PIEZO1: variants seen among roughly 807,000 people sequenced by gnomAD.
PIEZO1 encodes piezo type mechanosensitive ion channel component 1 (Er blood group).
Under a neutral mutation model 297.2 loss-of-function variants are expected in PIEZO1, and 296 were observed. The ratio of observed to expected loss-of-function variants is 1.00; its 90% CI spans 0.91 to 1.10. The LOEUF is 1.10. Ranked by LOEUF, PIEZO1 falls within the 50% of genes least tolerant of loss-of-function variation. The pLI, the probability that PIEZO1 is intolerant of heterozygous loss-of-function variation, is 0.00. For synonymous variants in PIEZO1, 2,427 were observed against 1,507.5 expected, an observed-to-expected ratio of 1.61 and a Z score of -14.13; for missense variants, 5,018 against 3,455.5, an observed-to-expected ratio of 1.45 and a Z score of -11.34.
intron 1 of PIEZO1, among the ~76,000 whole-genome samples, chr16:88,759,098 A>C (rs1906808442): frequency 6.6e-6 from 1 of 152,202 alleles, no homozygotes; most frequent in Non-Finnish European, 1.5e-5. Context: ...CAACAAGTGA[A>C]CTGGTCAAAA....
Position 88,721,889 on chromosome 16 carries a change from G to A in PIEZO1, c.5133C>T (p.Pro1711=), listed in dbSNP as rs181441468. The A allele has an allele frequency of 2.3e-4, 356 of 1,550,068 alleles. No individual in the cohort carries two copies. Among genetic ancestry groups the A allele is most frequent in the Non-Finnish European group, 2.8e-4 (324 of 1,146,782 alleles). ...GCATGGCCCACAGGAAGACGAGCAC[G>A]GGCAGCACCAGCGAGCCGGCGGAGG... ...VTASAGSLVL[P]VLVFLWAMLS... Residue 1711 remains proline, a synonymous_variant, in exon 37 of 51, where the codon CCC becomes CCT. Coordinates refer to ENST00000301015, the MANE Select transcript of PIEZO1 (RefSeq NM_001142864.4).
At chr16:88,717,423 G>C in intron 44 of PIEZO1, 2 of 644,906 alleles carry the variant, frequency 3.1e-6, no homozygotes, top group South Asian at 1.6e-5. Context: ...TCTTAGACAA[G>C]GGAGCTGTGA....
At chr16:88,734,597 G>A (rs1015932479) in intron 15 of PIEZO1, 53 bp downstream of exon 15, 3 of 1,548,258 alleles carry the variant, frequency 1.9e-6, no homozygotes, top group Admixed American at 3.9e-5. Context: ...GCAGCCCCGG[G>A]GAAGTGCACG....
chr16:88,735,217 C>G lies in PIEZO1; in HGVS notation c.1587G>C (p.Leu529=). ...MLLYTLTFWL[L]LRQFVKEKLL... Reference sequence around the variant, plus strand: ...GCTTCTCTTTCACAAACTGGCGCAGCAGGAGCCAGAAGGTCAGGGTGTAGA... The same window carrying G: ...GCTTCTCTTTCACAAACTGGCGCAGGAGGAGCCAGAAGGTCAGGGTGTAGA... Residue 529 remains leucine, a synonymous_variant, in exon 13 of 51, where the codon CTG becomes CTC. Transcript: ENST00000301015. The G allele has an allele frequency of 1.3e-6, 2 of 1,550,406 alleles. No homozygotes were observed. Among genetic ancestry groups the G allele is most frequent in the South Asian group, 2.4e-5 (2 of 84,066 alleles).
intron 1 of PIEZO1, among the ~76,000 whole-genome samples, chr16:88,752,455 C>T (rs1339283545): frequency 6.6e-6 from 1 of 152,228 alleles, no homozygotes; most frequent in Non-Finnish European, 1.5e-5. Context: ...GCACTCCAGC[C>T]TGGGCGACAG....
At chr16:88,778,442 C>T (rs1907771633) in intron 1 of PIEZO1, among the ~76,000 whole-genome samples, 1 of 152,190 alleles carries the variant, frequency 6.6e-6, no homozygotes. Flanking sequence ...CCTGCCGGCC[C>T]GTCAGAGGGA....
At chr16:88,725,574 C>T (rs1194999454) in intron 28 of PIEZO1, 21 bp downstream of exon 28, 4 of 1,536,268 alleles carry the variant, frequency 2.6e-6, no homozygotes, top group East Asian at 4.9e-5. Flanking sequence ...GCCGGGGAGT[C>T]CCCGCCCCAG....
intron 1 of PIEZO1, among the ~76,000 whole-genome samples, chr16:88,776,668 A>G (rs1476827570): frequency 6.6e-6 from 1 of 152,190 alleles, no homozygotes; most frequent in African/African-American, 2.4e-5. Context: ...GGGGCCACAC[A>G]CCAGGGGCAG....
In PIEZO1 at chr16:88,722,054, G is replaced by C. The variant is rs532725190; in HGVS notation, c.4968C>G (p.Ile1656Met). 1 of 1,546,528 alleles carries C rather than the reference G, an allele frequency of 6.5e-7. No individual in the cohort carries two copies. The highest frequency in any genetic ancestry group is 8.7e-7 in the Non-Finnish European group (1 of 1,145,830). ...ACAGCTCTGCCTCCTCCAGCTCTGG[G>C]ATGCGCAGGCGCCTACAGGGAGACC... ...SELLLDRRLR[I>M]PELEEAELFA... Residue 1656 changes from isoleucine (I) to methionine (M), a missense_variant, in exon 37 of 51, where the codon ATC becomes ATG. By Grantham distance (10) the Ile-to-Met change is conservative. Coordinates refer to ENST00000301015, the MANE Select transcript of PIEZO1 (RefSeq NM_001142864.4).
rs751965283 is a variant in PIEZO1 at position 88,722,241 on chromosome 16, C to T, written c.4932G>A (p.Thr1644=). ...GASLYQGLMR[T]ASELLLDRRL... ...ACCTGTCCAGGAGCAGCTCGCTGGCCGTCCGCATCAGTCCCTGGTACAGAG... is the reference window on the plus strand; with the variant it reads ...ACCTGTCCAGGAGCAGCTCGCTGGCTGTCCGCATCAGTCCCTGGTACAGAG... The change falls in exon 36 of 51, where the codon ACG becomes ACA. Residue 1644 remains threonine (T), a synonymous_variant. Coordinates refer to ENST00000301015, the MANE Select transcript of PIEZO1 (RefSeq NM_001142864.4). 39 of 1,547,550 alleles carry T rather than the reference C, an allele frequency of 2.5e-5. No individual in the cohort carries two copies. In the South Asian group the frequency reaches 3.6e-4, roughly 14 times the overall value.
At chr16:88,717,305 C>G in intron 44 of PIEZO1, 94 bp from the exon 45 acceptor site, 1 of 1,184,626 alleles carries the variant, frequency 8.4e-7, no homozygotes, top group Non-Finnish European at 1.2e-6. Flanking sequence ...CCCAGAAAAG[C>G]CCCAGCCTGA....
At chr16:88,764,623 T>A (rs1471119678) in intron 1 of PIEZO1, among the ~76,000 whole-genome samples, 2 of 151,630 alleles carry the variant, frequency 1.3e-5, no homozygotes, top group African/African-American at 4.8e-5. Context: ...TGGTGGCACG[T>A]ACCTGTAATC....
chr16:88,777,867 G>A lies in PIEZO1; in HGVS notation c.64+7034C>T, dbSNP rs570049657. Among the ~76,000 whole-genome samples the A allele has an allele frequency of 9.9e-5, 15 of 152,224 alleles. No individual in the cohort carries two copies. In the South Asian group the frequency reaches 2.9e-3, roughly 29 times the overall value. On this transcript the variant is annotated intron_variant, in intron 1 of 50. Transcript: ENST00000301015. ...CAAACCCACGCCTGTGCCTTCCTTC[G>A]AGGCTCCTCCCGGGCAGGTGGCCTC... is the stretch of plus-strand genomic sequence containing the variant.
chr16:88,715,883 C>G (rs1268654110), intron 50 of PIEZO1, 29 bp from the exon 51 acceptor site: 1 of 1,545,724 alleles, frequency 6.5e-7, no homozygotes, highest in South Asian at 1.2e-5. Context: ...AGTCCTGGGG[C>G]CGCCCGGAGC....
At chr16:88,776,161 G>A (rs1207409604) in intron 1 of PIEZO1, among the ~76,000 whole-genome samples, 3 of 152,260 alleles carry the variant, frequency 2.0e-5, no homozygotes, top group Non-Finnish European at 4.4e-5. Context: ...GAGGCCGGGC[G>A]CGGTGGCTCA....
intron 1 of PIEZO1, among the ~76,000 whole-genome samples, chr16:88,770,507 T>G (rs1461306555): frequency 6.6e-6 from 1 of 152,166 alleles, no homozygotes; most frequent in Non-Finnish European, 1.5e-5. Context: ...GGCGTTCTCC[T>G]CAGGGGCGGC....
At chr16:88,726,094 A>G (rs1006890993) in intron 27 of PIEZO1, 190 bp downstream of exon 27, 7 of 603,210 alleles carry the variant, frequency 1.2e-5, no homozygotes, top group East Asian at 2.8e-5. Flanking sequence ...TGACAGACCC[A>G]GCACTGGGGC....
In PIEZO1 at chr16:88,720,667, C is replaced by G. The variant is rs1246060286; in HGVS notation, c.5750G>C (p.Gly1917Ala). The change falls in exon 40 of 51, where the codon GGA (glycine) becomes GCA (alanine). Residue 1917 changes from glycine (G) to alanine (A), a missense_variant. Coordinates refer to ENST00000301015, the MANE Select transcript of PIEZO1 (RefSeq NM_001142864.4). ...CCGCCCGGCCGCCCTTACTCTTCCT[C>G]CAGAGCGGCTTGGCCTCTTCTCTCT... ...TGREKRPSRS[G>A]GRVRAAGRRL... The G allele has an allele frequency of 9.7e-6, 15 of 1,548,362 alleles. No individual in the cohort carries two copies. The highest frequency in any genetic ancestry group is 1.3e-5 in the Non-Finnish European group (15 of 1,145,914).
At chr16:88,716,947 C>G in intron 45 of PIEZO1, 49 bp from the exon 46 acceptor site, 1 of 1,545,504 alleles carries the variant, frequency 6.5e-7, no homozygotes, top group South Asian at 1.2e-5. Flanking sequence ...CGTGGAGGAG[C>G]GGCTGGGGGT....
Sources: gnomAD v4.1 joint callset for allele counts (sites outside exome capture counted in the v4.1 genomes callset) on GRCh38, gnomAD v4.1.1 for gene constraint, MANE v1.5 for transcripts, NCBI Gene and HGNC (gene_info 2026-07-23, HGNC 2026-07-21) for gene names.